The following HCN1 variants were observed in gnomAD, a reference collection of about 807,000 sequenced individuals.
HCN1 encodes potassium/sodium hyperpolarization-activated cyclic nucleotide-gated channel 1.
In HCN1, 13 loss-of-function variants were observed where a neutral mutation model predicts 78.9. That is an observed-to-expected ratio of 0.16 (90% confidence interval 0.11 to 0.26). HCN1 has a LOEUF of 0.26. Among genes scored for constraint, HCN1 ranks in the 10% least tolerant of loss-of-function variants. The probability of loss-of-function intolerance (pLI) is 1.00; values close to 1 mark genes in which losing one functional copy is unlikely to be tolerated. For missense variants in HCN1, 810 were observed against 1,154.3 expected (o/e 0.70, Z 4.32); for synonymous variants, 552 against 455.5 (o/e 1.21, Z -2.70).
chr5:45,317,718 GA>G (rs976930265), intron 5 of HCN1, among the ~76,000 whole-genome samples: 1 of 151,796 alleles, frequency 6.6e-6, no homozygotes, highest in Non-Finnish European at 1.5e-5. Context: ...AAATTTACAA[GA>G]AAAAAACAAA....
chr5:45,375,059 T>G lies in HCN1; in HGVS notation c.1230+21433A>C, dbSNP rs562573952. On this transcript the variant is annotated intron_variant, in intron 4 of 7. Coordinates refer to ENST00000303230, the MANE Select transcript of HCN1 (RefSeq NM_021072.4). The stretch of plus-strand genomic sequence containing the variant: ...ATACTCAAAGGAATGGAATTTTATA[T>G]ATATATATAATATATTATATATAAT... Among the ~76,000 whole-genome samples, 656 of 126,992 alleles carry G rather than the reference T, an allele frequency of 5.2e-3. 4 individuals are homozygous for G. The highest frequency in any genetic ancestry group is 0.019 in the African/African-American group (628 of 33,800). 83.3% of individuals were successfully genotyped at this position (126,992 alleles called of 152,430 possible).
At position 45,332,452 on chromosome 5, in the gene HCN1, C is replaced by T. The variant is rs547933038; in HGVS notation, c.1377+20648G>A. 2.7e-3 allele frequency among the ~76,000 whole-genome samples: 396 copies of T among 146,456 alleles called. 1 individual carries two copies. Among genetic ancestry groups the T allele is most frequent in the African/African-American group, 9.3e-3 (373 of 40,052 alleles). ...ATTCATTCTTTCTATTTTTTTTTTT[C>T]GTACCCATTAACCATCCTCACCTTC... On this transcript the variant is annotated intron_variant, in intron 5 of 7. Coordinates refer to ENST00000303230, the MANE Select transcript of HCN1 (RefSeq NM_021072.4).
At position 45,389,772 on chromosome 5, in the gene HCN1, T is replaced by G. The variant is rs75003130; in HGVS notation, c.1230+6720A>C. Among the ~76,000 whole-genome samples the G allele has an allele frequency of 1.1e-4, 17 of 152,302 alleles. No individual in the cohort carries two copies. The East Asian group carries it at 3.3e-3, about 29-fold the overall frequency. On this transcript the variant is annotated intron_variant, in intron 4 of 7. Coordinates refer to ENST00000303230, the MANE Select transcript of HCN1 (RefSeq NM_021072.4). ...CAAATTCCTGCTTAACATATTTGTA[T>G]TAATGATTCCATCAGAAACAATTTT... is the stretch of plus-strand genomic sequence containing the variant.
chr5:45,387,493 T>C (rs1747949766), intron 4 of HCN1, among the ~76,000 whole-genome samples: 1 of 152,066 alleles, frequency 6.6e-6, no homozygotes, highest in South Asian at 2.1e-4. Context: ...GATATCTTTG[T>C]TAATAAAGAG....
At chr5:45,316,106 C>T (rs1745985328) in intron 5 of HCN1, among the ~76,000 whole-genome samples, 1 of 151,964 alleles carries the variant, frequency 6.6e-6, no homozygotes, top group African/African-American at 2.4e-5. Flanking sequence ...GGCAGAGACA[C>T]AACAAAAAGA....
intron 5 of HCN1, among the ~76,000 whole-genome samples, chr5:45,344,001 C>T (rs544055401): frequency 6.6e-6 from 1 of 152,042 alleles, no homozygotes; most frequent in African/African-American, 2.4e-5. Flanking sequence ...AAAGACATAA[C>T]TGAGACCGAG....
At chr5:45,676,956 C>T (rs1746277826) in intron 1 of HCN1, among the ~76,000 whole-genome samples, 1 of 151,704 alleles carries the variant, frequency 6.6e-6, no homozygotes, top group South Asian at 2.1e-4. Flanking sequence ...TCATATAATC[C>T]AACTAATACT....
At chr5:45,493,593 A>AT (rs556013434) in intron 2 of HCN1, among the ~76,000 whole-genome samples, 15 of 148,834 alleles carry the variant, frequency 1.0e-4, no homozygotes, top group Non-Finnish European at 1.5e-4. Flanking sequence ...TTTAGCTTTT[A>AT]TTTTTTTTTA....
chr5:45,645,611 A>G lies in HCN1; in HGVS notation c.426-3T>C, dbSNP rs762205742. The G allele has an allele frequency of 6.3e-7, 1 of 1,583,208 alleles. No individual in the cohort carries two copies. Among genetic ancestry groups the G allele is most frequent in the Non-Finnish European group, 8.6e-7 (1 of 1,164,324 alleles). On this transcript the variant is annotated splice_polypyrimidine_tract_variant and splice_region_variant and intron_variant, in intron 1 of 7. Transcript: ENST00000303230. ...GCATTATTAAATCCCAGTAAAACCT[A>G]CAACAAATAAAAAAATCAGATTTTA...
At chr5:45,588,366 G>A (rs370600736) in intron 2 of HCN1, among the ~76,000 whole-genome samples, 3 of 152,162 alleles carry the variant, frequency 2.0e-5, no homozygotes, top group South Asian at 2.1e-4. Flanking sequence ...ACTGAGAATG[G>A]AGTGGATATT....
At chr5:45,470,560 C>A (rs564816274) in intron 2 of HCN1, among the ~76,000 whole-genome samples, 2 of 151,788 alleles carry the variant, frequency 1.3e-5, no homozygotes, top group Non-Finnish European at 2.9e-5. Flanking sequence ...AATGCTCCAC[C>A]AATTCAGGTA....
At chr5:45,451,963 T>C (rs1740927259) in intron 3 of HCN1, among the ~76,000 whole-genome samples, 1 of 152,008 alleles carries the variant, frequency 6.6e-6, no homozygotes, top group Admixed American at 6.6e-5. Context: ...AAGTAGATAT[T>C]ATAAATAATA....
chr5:45,551,495 A>C (rs2111855965), intron 2 of HCN1, among the ~76,000 whole-genome samples: 1 of 152,026 alleles, frequency 6.6e-6, no homozygotes, highest in Non-Finnish European at 1.5e-5. Context: ...GACATGATAT[A>C]TTTGAGCAAT....
chr5:45,392,681 A>T (rs1739601281), intron 4 of HCN1, among the ~76,000 whole-genome samples: 1 of 152,028 alleles, frequency 6.6e-6, no homozygotes, highest in African/African-American at 2.4e-5. Context: ...TACTAAAAAT[A>T]CAAAAATTAG....
chr5:45,476,739 C>T (rs961682556), intron 2 of HCN1, among the ~76,000 whole-genome samples: 3 of 152,100 alleles, frequency 2.0e-5, no homozygotes, highest in African/African-American at 7.2e-5. Flanking sequence ...GGCTGAGGAT[C>T]TCTAATATGA....
chr5:45,355,842 AG>A (rs900374126), intron 4 of HCN1, among the ~76,000 whole-genome samples: 4 of 152,046 alleles, frequency 2.6e-5, no homozygotes, highest in African/African-American at 9.7e-5. Context: ...TAAATTTCAC[AG>A]GGGGTGTGGT....
At chr5:45,585,633 G>GT (rs1302516012) in intron 2 of HCN1, among the ~76,000 whole-genome samples, 1 of 152,138 alleles carries the variant, frequency 6.6e-6, no homozygotes, top group Non-Finnish European at 1.5e-5. Context: ...TTTCTGCTCT[G>GT]TTTTTTCCCC....
Position 45,685,824 on chromosome 5 carries a change from T to A in HCN1, c.425+9845A>T, listed in dbSNP as rs1217965108. On this transcript the variant is annotated intron_variant, in intron 1 of 7. Coordinates refer to ENST00000303230, the MANE Select transcript of HCN1 (RefSeq NM_021072.4). Reference sequence around the variant, plus strand: ...AGGGCTTCTGCTGCCAGGGATTGCATGAAGGTAAAAAGGAAATAGCAGCAC... The same window carrying A: ...AGGGCTTCTGCTGCCAGGGATTGCAAGAAGGTAAAAAGGAAATAGCAGCAC... 2.6e-5 allele frequency among the ~76,000 whole-genome samples: 4 copies of A among 152,218 alleles called. No individual in the cohort carries two copies. The East Asian group carries it at 7.7e-4, about 29-fold the overall frequency.
At chr5:45,414,991 C>T (rs771180937) in intron 3 of HCN1, among the ~76,000 whole-genome samples, 3 of 152,018 alleles carry the variant, frequency 2.0e-5, no homozygotes, top group South Asian at 4.1e-4. Context: ...AACCAAATTA[C>T]ACTTCCGTAC....
Sources: gnomAD v4.1 joint callset for allele counts (sites outside exome capture counted in the v4.1 genomes callset) on GRCh38, gnomAD v4.1.1 for gene constraint, MANE v1.5 for transcripts, NCBI Gene and HGNC (gene_info 2026-07-23, HGNC 2026-07-21) for gene names.